CCNJL: variants seen among roughly 807,000 people sequenced by gnomAD.
The protein encoded by CCNJL is cyclin-J-like protein.
In CCNJL, 33 loss-of-function variants were observed where a neutral mutation model predicts 33.4. The observed-to-expected ratio is 0.99, with a 90% CI of 0.75 to 1.32. CCNJL has a LOEUF of 1.32. CCNJL is among the 40% of genes most tolerant of loss of function. CCNJL has a pLI of 0.00. For synonymous variants in CCNJL, 227 were observed against 220.9 expected, an observed-to-expected ratio of 1.03 and a Z score of -0.24; for missense variants, 512 against 499.7, an observed-to-expected ratio of 1.02 and a Z score of -0.23.
At chr5:160,299,885 G>A (rs1862434) in intron 2 of CCNJL, among the ~76,000 whole-genome samples, 48,488 of 150,590 alleles carry the variant, frequency 0.32, 9,387 homozygotes, top group African/African-American at 0.55. Context: ...GCACACCAAC[G>A]CTGTCTACCA....
At chr5:160,336,976 CCCTT>C (rs1374902501) in intron 1 of CCNJL, among the ~76,000 whole-genome samples, 21 of 150,356 alleles carry the variant, frequency 1.4e-4, no homozygotes, top group South Asian at 6.4e-4. Flanking sequence ...CTCCCTCCCT[CCCTT>C]CCTTCCTTCT....
intron 3 of CCNJL, among the ~76,000 whole-genome samples, chr5:160,260,783 G>C (rs973632872): frequency 1.3e-5 from 2 of 152,068 alleles, no homozygotes; most frequent in Non-Finnish European, 2.9e-5. Context: ...CCTGGGCCTG[G>C]AGCACCCTTC....
intron 3 of CCNJL, among the ~76,000 whole-genome samples, chr5:160,262,948 T>G (rs919093994): frequency 2.0e-5 from 3 of 152,174 alleles, no homozygotes; most frequent in African/African-American, 7.2e-5. Flanking sequence ...CCTAGAAGAC[T>G]TCAGGCGAGT....
At chr5:160,297,395 G>GCCT in intron 2 of CCNJL, among the ~76,000 whole-genome samples, 1 of 37,350 alleles carries the variant, frequency 2.7e-5, no homozygotes, top group East Asian at 5.5e-4. Context: ...TGACTGCTTG[G>GCCT]CTTCTTCCTA....
chr5:160,271,741 G>A (rs1482591102), intron 3 of CCNJL, among the ~76,000 whole-genome samples: 1 of 152,224 alleles, frequency 6.6e-6, no homozygotes, highest in Admixed American at 6.5e-5. Context: ...CAGTGTTTTG[G>A]AAGAAAGATA....
At chr5:160,324,639 A>ATCTATCTG (rs1380808728) in intron 1 of CCNJL, among the ~76,000 whole-genome samples, 3 of 152,084 alleles carry the variant, frequency 2.0e-5, no homozygotes, top group African/African-American at 7.2e-5. Context: ...CTATCTATCT[A>ATCTATCTG]TCTATAATAA....
chr5:160,257,130 C>T (rs1028759050), intron 4 of CCNJL, among the ~76,000 whole-genome samples: 2 of 151,940 alleles, frequency 1.3e-5, no homozygotes, highest in Non-Finnish European at 2.9e-5. Flanking sequence ...CTTGTAATCC[C>T]AGGAGTTTGA....
intron 1 of CCNJL, chr5:160,327,110 T>C (rs1403849181): frequency 9.9e-6 from 3 of 303,784 alleles, no homozygotes; most frequent in Non-Finnish European, 1.3e-5. Flanking sequence ...GCTATGGGAT[T>C]GTTTGTATTT....
At chr5:160,308,771 CCAAA>C (rs375183369) in intron 2 of CCNJL, among the ~76,000 whole-genome samples, 126 of 152,264 alleles carry the variant, frequency 8.3e-4, no homozygotes, top group African/African-American at 2.8e-3. Context: ...AACCAACCAA[CCAAA>C]CAAACAAAAA....
chr5:160,295,467 G>A (rs1290448335), intron 2 of CCNJL, among the ~76,000 whole-genome samples: 2 of 152,194 alleles, frequency 1.3e-5, no homozygotes, highest in Non-Finnish European at 2.9e-5. Context: ...CAGCCTGGGC[G>A]ACAGAGCGAG....
intron 2 of CCNJL, 89 bp from the exon 3 acceptor site, chr5:160,280,827 A>T: frequency 1.1e-6 from 1 of 876,942 alleles, no homozygotes; most frequent in Non-Finnish European, 1.9e-6. Context: ...CAGGGCCTGA[A>T]TGGGAGGCAA....
At chr5:160,338,712 G>A (rs111854396) in intron 1 of CCNJL, among the ~76,000 whole-genome samples, 1,610 of 152,248 alleles carry the variant, frequency 0.011, 19 homozygotes, top group African/African-American at 0.032. Context: ...TAGGTAATGC[G>A]TATAAAGCAC....
At chr5:160,258,342 G>A (rs1761162552) in intron 4 of CCNJL, 1 of 765,874 alleles carries the variant, frequency 1.3e-6, no homozygotes, top group Non-Finnish European at 2.4e-6. Context: ...TCAATAAACT[G>A]GGGTTAATGA....
chr5:160,320,829 CTT>C (rs374598149), intron 1 of CCNJL, among the ~76,000 whole-genome samples: 9 of 119,642 alleles, frequency 7.5e-5, no homozygotes, highest in African/African-American at 2.9e-4. Flanking sequence ...TTCTTTCTTT[CTT>C]TCTTTCTTTC....
chr5:160,285,989 T>C (rs960260431), intron 2 of CCNJL, among the ~76,000 whole-genome samples: 9 of 152,216 alleles, frequency 5.9e-5, no homozygotes, highest in African/African-American at 1.7e-4. Flanking sequence ...TACGTGGGTA[T>C]TTCCTCTAAG....
intron 1 of CCNJL, among the ~76,000 whole-genome samples, chr5:160,328,745 T>C (rs1397355515): frequency 1.4e-5 from 2 of 147,634 alleles, no homozygotes; most frequent in Non-Finnish European, 3.0e-5. Context: ...CCGTGCGTGG[T>C]GGTATGTGCC....
rs1039372116 is a variant in CCNJL at position 160,260,368 on chromosome 5, C to A, written c.281-597G>T. Among the ~76,000 whole-genome samples, 6 of 152,204 alleles carry A rather than the reference C, an allele frequency of 3.9e-5. No homozygotes were observed. The Middle Eastern group carries it at 0.01, about 259-fold the overall frequency. ...CTTGGAAGGTAAGCCCAGGAAAGAT[C>A]GGTAGGTGGGGGACGAGAACAGGAA... On this transcript the variant is annotated intron_variant, in intron 3 of 5. Transcript: ENST00000257536.
intron 3 of CCNJL, among the ~76,000 whole-genome samples, chr5:160,275,680 G>GT (rs1761986101): frequency 6.6e-6 from 1 of 152,238 alleles, no homozygotes; most frequent in South Asian, 2.1e-4. Flanking sequence ...AAGTAAAAAC[G>GT]TATCTCACAC....
chr5:160,319,620 A>G (rs998906693), intron 1 of CCNJL, among the ~76,000 whole-genome samples: 1 of 152,194 alleles, frequency 6.6e-6, no homozygotes, highest in African/African-American at 2.4e-5. Context: ...GACGTCGTCA[A>G]TATAGGTTTA....
Sources: allele counts gnomAD v4.1 joint callset (sites outside exome capture counted in the v4.1 genomes callset), GRCh38; gene constraint gnomAD v4.1.1; transcripts MANE v1.5; gene names NCBI Gene and HGNC (gene_info 2026-07-23, HGNC 2026-07-21).